Variants in AP4S1 observed in about 807,000 individuals in gnomAD.
AP4S1 encodes the protein AP-4 complex subunit sigma-1.
In AP4S1, 23 loss-of-function variants were observed where a neutral mutation model predicts 19.8. That is an observed-to-expected ratio of 1.16 (90% CI 0.84 to 1.65). The LOEUF (loss-of-function observed/expected upper bound fraction) is 1.65, where lower values mean the gene tolerates loss of function less well. Among genes scored for constraint, AP4S1 ranks in the 40% most tolerant of loss-of-function variants. AP4S1 has a pLI of 0.00. For missense variants in AP4S1, 166 were observed against 172.8 expected (o/e 0.96, Z 0.22); for synonymous variants, 46 against 54.1 (o/e 0.85, Z 0.66).
chr14:31,032,537 T>G lies in AP4S1; in HGVS notation c.-72+6750T>G, dbSNP rs541667798. 1.6e-3 allele frequency among the ~76,000 whole-genome samples: 245 copies of G among 151,800 alleles called. 2 individuals carry two copies. The highest frequency in any genetic ancestry group is 3.0e-3 in the Non-Finnish European group (207 of 67,916). Reference sequence around the variant, plus strand: ...CCAGAATGTACATTTTTTTTTTTTTTTGAGATGAAGTCTCACTCTGTTGTT... The same window carrying G: ...CCAGAATGTACATTTTTTTTTTTTTGTGAGATGAAGTCTCACTCTGTTGTT... On this transcript the variant is annotated intron_variant, in intron 1 of 5. Coordinates refer to ENST00000542754, the MANE Select transcript of AP4S1 (RefSeq NM_001128126.3).
At chr14:31,084,220 G>T (rs1887806928) in intron 5 of AP4S1, among the ~76,000 whole-genome samples, 1 of 152,214 alleles carries the variant, frequency 6.6e-6, no homozygotes, top group Non-Finnish European at 1.5e-5. Context: ...GTGAGTTAAA[G>T]CTTGGTTTTG....
intron 1 of AP4S1, among the ~76,000 whole-genome samples, chr14:31,048,179 C>T (rs1029607001): frequency 8.0e-5 from 12 of 150,896 alleles, no homozygotes; most frequent in East Asian, 2.0e-4. Flanking sequence ...CTGCAACCCC[C>T]GTCTCCCAGG....
chr14:31,061,553 C>T (rs1003366354), intron 1 of AP4S1, among the ~76,000 whole-genome samples: 1 of 152,158 alleles, frequency 6.6e-6, no homozygotes, highest in Admixed American at 6.6e-5. Flanking sequence ...GTCTCCCCCG[C>T]TTTCAGTCTC....
chr14:31,037,369 A>G lies in AP4S1; in HGVS notation c.-72+11582A>G, dbSNP rs574729119. On this transcript the variant is annotated intron_variant, in intron 1 of 5. Transcript: ENST00000542754. ...TTCTTTTGCTATCCTAGTTGTTTTC[A>G]CTGTTATTGTGAGGAGGTTCGGGAA... Among the ~76,000 whole-genome samples the G allele has an allele frequency of 3.3e-5, 5 of 152,014 alleles. 1 individual carries two copies. The South Asian group carries it at 1.0e-3, about 32-fold the overall frequency.
intron 1 of AP4S1, among the ~76,000 whole-genome samples, chr14:31,050,348 C>A (rs1237406439): frequency 6.6e-6 from 1 of 152,160 alleles, no homozygotes; most frequent in Non-Finnish European, 1.5e-5. Context: ...GCGTGAGCCA[C>A]CGTGCCCGGC....
intron 1 of AP4S1, among the ~76,000 whole-genome samples, chr14:31,036,846 G>A (rs368072786): frequency 1.3e-5 from 2 of 151,684 alleles, no homozygotes; most frequent in Non-Finnish European, 2.9e-5. Context: ...ATGGAGTCTC[G>A]CTCTGTCGCC....
At chr14:31,088,975 A>G (rs1385618241) in intron 5 of AP4S1, among the ~76,000 whole-genome samples, 1 of 151,972 alleles carries the variant, frequency 6.6e-6, no homozygotes, top group East Asian at 1.9e-4. Flanking sequence ...CAGTCTGGGC[A>G]AGATAGTGAA....
chr14:31,066,046 T>G, intron 1 of AP4S1, 80 bp from the exon 2 acceptor site: 1 of 680,752 alleles, frequency 1.5e-6, no homozygotes, highest in Non-Finnish European at 2.5e-6. Flanking sequence ...TTATTTACTG[T>G]TTATCTATAA....
intron 1 of AP4S1, among the ~76,000 whole-genome samples, chr14:31,030,445 C>A (rs1015362684): frequency 6.6e-6 from 1 of 152,180 alleles, no homozygotes; most frequent in African/African-American, 2.4e-5. Context: ...TGGGCTCAAT[C>A]TATCCTCCCA....
intron 1 of AP4S1, among the ~76,000 whole-genome samples, chr14:31,044,900 T>C (rs546825443): frequency 6.6e-6 from 1 of 151,970 alleles, no homozygotes; most frequent in South Asian, 2.1e-4. Context: ...AGATACGTTT[T>C]CTATAATTTT....
chr14:31,045,503 C>T (rs1885345720), intron 1 of AP4S1, among the ~76,000 whole-genome samples: 1 of 152,126 alleles, frequency 6.6e-6, no homozygotes, highest in Non-Finnish European at 1.5e-5. Context: ...GTCCTGCTGC[C>T]TTGTGAAGAA....
intron 1 of AP4S1, among the ~76,000 whole-genome samples, chr14:31,040,423 A>T (rs993217216): frequency 6.6e-6 from 1 of 152,144 alleles, no homozygotes; most frequent in African/African-American, 2.4e-5. Context: ...ACACAAAGCT[A>T]TAGGAAACAT....
At chr14:31,076,059 A>G (rs1367716034) in intron 4 of AP4S1, among the ~76,000 whole-genome samples, 39 of 152,198 alleles carry the variant, frequency 2.6e-4, no homozygotes, top group Non-Finnish European at 1.5e-5. Flanking sequence ...TTTTTTATCC[A>G]TTCATCAGTT....
intron 1 of AP4S1, among the ~76,000 whole-genome samples, chr14:31,058,517 C>CTGTGTGTGTG (rs1241249693): frequency 1.6e-3 from 229 of 139,434 alleles, no homozygotes; most frequent in South Asian, 3.7e-3. Flanking sequence ...TTCCCCATCT[C>CTGTGTGTGTG]TGTGTGTGTA....
At position 31,053,040 on chromosome 14, in the gene AP4S1, A is replaced by G. The variant is rs891849909; in HGVS notation, c.-71-13086A>G. Among the ~76,000 whole-genome samples the G allele has an allele frequency of 1.4e-4, 20 of 147,104 alleles. No homozygotes were observed. The Admixed American group carries it at 1.4e-3, about 10-fold the overall frequency. On this transcript the variant is annotated intron_variant, in intron 1 of 5. Transcript: ENST00000542754. ...ACTGCAACCTCTGCCTCCTGGGTTC[A>G]AGTGATTCTCATGCCTTAGCCTCCC...
intron 3 of AP4S1, among the ~76,000 whole-genome samples, chr14:31,072,649 A>C (rs774132224): frequency 6.6e-6 from 1 of 152,104 alleles, no homozygotes; most frequent in Non-Finnish European, 1.5e-5. Flanking sequence ...AGGATTACGG[A>C]TATGAACCAT....
intron 4 of AP4S1, among the ~76,000 whole-genome samples, chr14:31,079,358 G>A (rs138745590): frequency 2.6e-5 from 4 of 152,234 alleles, no homozygotes; most frequent in South Asian, 2.1e-4. Context: ...GAGTGAACCC[G>A]AATGTAAACT....
intron 5 of AP4S1, among the ~76,000 whole-genome samples, chr14:31,088,490 G>GGCCTT (rs1377862054): frequency 9.9e-5 from 15 of 152,092 alleles, no homozygotes; most frequent in African/African-American, 3.6e-4. Context: ...AATATGAGTA[G>GGCCTT]GCCTTTAATG....
intron 1 of AP4S1, among the ~76,000 whole-genome samples, chr14:31,039,490 G>A (rs1260310735): frequency 1.3e-5 from 2 of 151,784 alleles, no homozygotes; most frequent in East Asian, 1.9e-4. Flanking sequence ...TGGCCCTAAT[G>A]TAGCTTTTAA....
Sources: gnomAD v4.1 joint callset for allele counts (sites outside exome capture counted in the v4.1 genomes callset) on GRCh38, gnomAD v4.1.1 for gene constraint, MANE v1.5 for transcripts, NCBI Gene and HGNC (gene_info 2026-07-23, HGNC 2026-07-21) for gene names.